The following ADGRL3 variants were observed in gnomAD, a reference collection of about 807,000 sequenced individuals.
ADGRL3 encodes the protein adhesion G protein-coupled receptor L3, also known as calcium-independent alpha-latrotoxin receptor 3.
ADGRL3 carries 62 observed loss-of-function variants against 153.5 expected under a neutral mutation model. The observed-to-expected ratio is 0.40, with a 90% confidence interval of 0.33 to 0.50. The LOEUF is 0.50. Ranked by LOEUF, ADGRL3 falls within the 20% of genes least tolerant of loss-of-function variation. ADGRL3 has a pLI of 0.47. For missense variants in ADGRL3, 1,641 were observed against 1,859.4 expected (o/e 0.88, Z 2.16); for synonymous variants, 710 against 672.5 (o/e 1.06, Z -0.86).
At chr4:61,221,835 T>C (rs529829288) in intron 1 of ADGRL3, among the ~76,000 whole-genome samples, 2 of 152,294 alleles carry the variant, frequency 1.3e-5, no homozygotes, top group Middle Eastern at 3.4e-3. Flanking sequence ...ATAAAAAATA[T>C]TCGCAATATA....
chr4:61,430,005 C>T (rs2097335707), intron 2 of ADGRL3, among the ~76,000 whole-genome samples: 1 of 152,020 alleles, frequency 6.6e-6, no homozygotes, highest in East Asian at 1.9e-4. Context: ...ATGATCCCAT[C>T]AACAGTTTTG....
intron 1 of ADGRL3, among the ~76,000 whole-genome samples, chr4:61,238,769 C>T (rs1049856225): frequency 2.6e-5 from 4 of 151,928 alleles, no homozygotes; most frequent in Middle Eastern, 3.2e-3. Context: ...AAACATATTT[C>T]ACATAAAGCA....
intron 17 of ADGRL3, among the ~76,000 whole-genome samples, chr4:61,973,374 C>T (rs1033627430): frequency 2.6e-5 from 4 of 151,822 alleles, no homozygotes; most frequent in East Asian, 1.9e-4. Context: ...ACTCCACTTT[C>T]GAGGTATGTG....
At chr4:61,830,848 C>T (rs905181363) in intron 9 of ADGRL3, among the ~76,000 whole-genome samples, 2 of 152,054 alleles carry the variant, frequency 1.3e-5, no homozygotes, top group African/African-American at 4.8e-5. Flanking sequence ...TATTATTGAC[C>T]TAGCTTTATT....
chr4:61,918,112 G>A (rs1201449190), intron 13 of ADGRL3, among the ~76,000 whole-genome samples: 5 of 152,196 alleles, frequency 3.3e-5, no homozygotes, highest in South Asian at 4.2e-4. Flanking sequence ...ATATTAGTGC[G>A]GGATACTGAG....
chr4:61,985,348 T>A (rs1007292635), intron 19 of ADGRL3, among the ~76,000 whole-genome samples: 3 of 151,996 alleles, frequency 2.0e-5, no homozygotes, highest in African/African-American at 4.8e-5. Flanking sequence ...GCAGAGGAAC[T>A]TTTCCTTCAA....
At chr4:61,727,926 T>C (rs1339699846) in intron 6 of ADGRL3, among the ~76,000 whole-genome samples, 6 of 152,128 alleles carry the variant, frequency 3.9e-5, no homozygotes. Flanking sequence ...TCACTGAGTA[T>C]TTATTATGTG....
intron 17 of ADGRL3, among the ~76,000 whole-genome samples, chr4:61,966,029 G>T (rs994160455): frequency 1.4e-4 from 21 of 152,016 alleles, no homozygotes; most frequent in African/African-American, 4.3e-4. Context: ...TGGAAGATCC[G>T]CATTCTGCTT....
intron 4 of ADGRL3, among the ~76,000 whole-genome samples, chr4:61,566,018 C>T (rs1003098521): frequency 3.3e-5 from 5 of 152,046 alleles, no homozygotes; most frequent in Admixed American, 2.0e-4. Context: ...AAATTATAAT[C>T]GATTCAAGGA....
intron 4 of ADGRL3, among the ~76,000 whole-genome samples, chr4:61,576,164 A>G (rs2098879085): frequency 6.6e-6 from 1 of 152,004 alleles, no homozygotes; most frequent in Non-Finnish European, 1.5e-5. Context: ...CTCTTAGACC[A>G]TAAAAACTTG....
intron 5 of ADGRL3, among the ~76,000 whole-genome samples, chr4:61,649,108 A>C (rs1346342085): frequency 6.6e-6 from 1 of 151,934 alleles, no homozygotes; most frequent in Admixed American, 6.6e-5. Flanking sequence ...TTATCTACTG[A>C]TCTGTAACTA....
chr4:61,892,036 A>G (rs1385876957), intron 9 of ADGRL3, among the ~76,000 whole-genome samples: 2 of 152,236 alleles, frequency 1.3e-5, no homozygotes, highest in African/African-American at 4.8e-5. Flanking sequence ...TACATTAATG[A>G]AAATCAAATT....
intron 5 of ADGRL3, among the ~76,000 whole-genome samples, chr4:61,646,524 G>A (rs927977286): frequency 4.0e-5 from 6 of 151,222 alleles, no homozygotes; most frequent in Non-Finnish European, 8.8e-5. Context: ...AGGTCTGTTG[G>A]AGTACTGGGC....
intron 2 of ADGRL3, among the ~76,000 whole-genome samples, chr4:61,449,896 G>T (rs2097653089): frequency 6.6e-6 from 1 of 152,134 alleles, no homozygotes; most frequent in Admixed American, 6.6e-5. Flanking sequence ...AATGCAAAGA[G>T]CCTTACAAAG....
chr4:62,027,935 C>T (rs1006856412), intron 21 of ADGRL3, among the ~76,000 whole-genome samples: 4 of 151,828 alleles, frequency 2.6e-5, no homozygotes, highest in Admixed American at 1.3e-4. Context: ...AAACTGGCTT[C>T]AAATACCATT....
chr4:61,269,393 C>T (rs372868526), intron 1 of ADGRL3, among the ~76,000 whole-genome samples: 10 of 151,556 alleles, frequency 6.6e-5, no homozygotes, highest in South Asian at 2.1e-4. Context: ...TCCACTTGAT[C>T]GCATGTGTTT....
chr4:61,624,485 G>T (rs770620625), intron 5 of ADGRL3, among the ~76,000 whole-genome samples: 40 of 152,030 alleles, frequency 2.6e-4, no homozygotes, highest in Non-Finnish European at 1.0e-4. Flanking sequence ...TATTCATTCA[G>T]CAAATATTTT....
Position 61,884,728 on chromosome 4 carries a change from A to C in ADGRL3, c.1481-7928A>C, listed in dbSNP as rs920589329. Among the ~76,000 whole-genome samples, 15 of 151,850 alleles carry C rather than the reference A, an allele frequency of 9.9e-5. 1 individual carries two copies. Among genetic ancestry groups the C allele is most frequent in the Admixed American group, 3.9e-4 (6 of 15,256 alleles). The stretch of plus-strand genomic sequence containing the variant: ...AAACCTCTGCCCGCGGGGTTCAAGC[A>C]ATTCTCCTGCCTCAGCCTCTGGAGT... On this transcript the variant is annotated intron_variant, in intron 9 of 26. Transcript: ENST00000683033.
At chr4:61,728,939 A>T (rs967627768) in intron 6 of ADGRL3, among the ~76,000 whole-genome samples, 1 of 152,038 alleles carries the variant, frequency 6.6e-6, no homozygotes, top group African/African-American at 2.4e-5. Context: ...TATTCGAGAC[A>T]TACAGTCCAG....
Sources: allele counts gnomAD v4.1 joint callset (sites outside exome capture counted in the v4.1 genomes callset), GRCh38; gene constraint gnomAD v4.1.1; transcripts MANE v1.5; gene names NCBI Gene and HGNC (gene_info 2026-07-23, HGNC 2026-07-21).